Variants in ZCWPW2 observed in about 807,000 individuals in gnomAD.
ZCWPW2 encodes the protein zinc finger CW-type PWWP domain protein 2.
ZCWPW2 carries 45 observed loss-of-function variants against 46.6 expected under a neutral mutation model. The observed-to-expected ratio is 0.96, with a 90% CI of 0.76 to 1.24. The LOEUF is 1.24. ZCWPW2 is among the 50% of genes most tolerant of loss of function. The probability of loss-of-function intolerance (pLI) is 0.00; values close to 1 mark genes in which losing one functional copy is unlikely to be tolerated. For missense variants in ZCWPW2, 429 were observed against 403.9 expected (o/e 1.06, Z -0.53); for synonymous variants, 152 against 137.1 (o/e 1.11, Z -0.76).
chr3:28,426,483 T>G (rs1697017829), intron 3 of ZCWPW2, among the ~76,000 whole-genome samples: 1 of 152,182 alleles, frequency 6.6e-6, no homozygotes, highest in Admixed American at 6.6e-5. Flanking sequence ...TCCAGTTTGG[T>G]AATAAAATAT....
chr3:28,414,205 T>C (rs1271845935), intron 3 of ZCWPW2, among the ~76,000 whole-genome samples: 1 of 151,894 alleles, frequency 6.6e-6, no homozygotes, highest in Non-Finnish European at 1.5e-5. Context: ...TTTCAATTTT[T>C]ATAAATTTAA....
chr3:28,423,860 C>G (rs191615710), intron 3 of ZCWPW2, among the ~76,000 whole-genome samples: 1 of 152,162 alleles, frequency 6.6e-6, no homozygotes, highest in Admixed American at 6.5e-5. Flanking sequence ...CCTCCTTCCT[C>G]TCAAATAGAT....
chr3:28,452,906 A>G (rs190382118), intron 4 of ZCWPW2, among the ~76,000 whole-genome samples: 1 of 152,304 alleles, frequency 6.6e-6, no homozygotes, highest in Admixed American at 6.5e-5. Context: ...AATGGTCTTT[A>G]TCAACAAACA....
At chr3:28,405,652 T>A (rs1451621929) in intron 2 of ZCWPW2, among the ~76,000 whole-genome samples, 1 of 151,930 alleles carries the variant, frequency 6.6e-6, no homozygotes, top group African/African-American at 2.4e-5. Flanking sequence ...ATTTTTGTAT[T>A]TTTAGTAGAG....
At chr3:28,368,589 A>T (rs1265015499) in intron 1 of ZCWPW2, among the ~76,000 whole-genome samples, 3 of 152,018 alleles carry the variant, frequency 2.0e-5, no homozygotes, top group Non-Finnish European at 2.9e-5. Context: ...GCTGCCCTTA[A>T]CATTTTTTCC....
intron 4 of ZCWPW2, among the ~76,000 whole-genome samples, chr3:28,444,358 C>T (rs919910994): frequency 6.6e-6 from 1 of 152,056 alleles, no homozygotes; most frequent in South Asian, 2.1e-4. Flanking sequence ...CATTATTTTC[C>T]CTGGCAGCTG....
In ZCWPW2 at chr3:28,392,237, A is replaced by T. The variant is rs1695520102; in HGVS notation, c.-14+1620A>T. On this transcript the variant is annotated intron_variant, in intron 2 of 9. Coordinates refer to ENST00000383768, the MANE Select transcript of ZCWPW2 (RefSeq NM_001040432.4). ...GATGAAACAAGGTCATTATATAATG[A>T]TAAAAGAGTCAGTTCATCAAGAAGA... 3.3e-5 allele frequency among the ~76,000 whole-genome samples: 5 copies of T among 152,236 alleles called. No homozygotes were observed. In the South Asian group the frequency reaches 6.2e-4, roughly 19 times the overall value.
chr3:28,376,095 A>C (rs1437969523), intron 1 of ZCWPW2, among the ~76,000 whole-genome samples: 1 of 152,076 alleles, frequency 6.6e-6, no homozygotes, highest in Admixed American at 6.6e-5. Context: ...TCAGTGCTAC[A>C]GCAAACATAG....
intron 2 of ZCWPW2, among the ~76,000 whole-genome samples, chr3:28,391,365 A>T (rs1695481653): frequency 1.1e-5 from 1 of 93,198 alleles, no homozygotes; most frequent in South Asian, 2.8e-4. Context: ...ACACACACAC[A>T]CACACACACA....
intron 8 of ZCWPW2, among the ~76,000 whole-genome samples, chr3:28,517,039 C>T (rs1700591734): frequency 6.6e-6 from 1 of 152,104 alleles, no homozygotes; most frequent in Non-Finnish European, 1.5e-5. Flanking sequence ...TCTTTTTTTA[C>T]ATCCAGAATG....
intron 2 of ZCWPW2, among the ~76,000 whole-genome samples, chr3:28,408,214 T>C (rs1395172971): frequency 6.6e-6 from 1 of 152,198 alleles, no homozygotes; most frequent in Non-Finnish European, 1.5e-5. Context: ...TTGAAAACCT[T>C]ATCTACCATT....
intron 4 of ZCWPW2, among the ~76,000 whole-genome samples, chr3:28,436,668 G>A (rs1003648015): frequency 2.6e-5 from 4 of 152,158 alleles, no homozygotes; most frequent in South Asian, 2.1e-4. Flanking sequence ...GCAGGTAAGA[G>A]GGAAGGCTGT....
intron 1 of ZCWPW2, among the ~76,000 whole-genome samples, chr3:28,386,415 C>G (rs1695275225): frequency 6.6e-6 from 1 of 152,100 alleles, no homozygotes; most frequent in African/African-American, 2.4e-5. Flanking sequence ...TTTAAGTTAT[C>G]CAGTCTGTGA....
chr3:28,429,529 G>A (rs912452683), intron 3 of ZCWPW2, among the ~76,000 whole-genome samples: 5 of 152,162 alleles, frequency 3.3e-5, no homozygotes, highest in Non-Finnish European at 7.4e-5. Context: ...TGATAGAAAA[G>A]AAAAACCCAT....
chr3:28,480,457 A>G (rs1448802474), intron 5 of ZCWPW2, among the ~76,000 whole-genome samples: 1 of 151,860 alleles, frequency 6.6e-6, no homozygotes, highest in Non-Finnish European at 1.5e-5. Context: ...GATGGTGGAT[A>G]TTAGACCTTT....
intron 6 of ZCWPW2, among the ~76,000 whole-genome samples, chr3:28,512,713 A>G (rs1015347324): frequency 6.6e-6 from 1 of 151,878 alleles, no homozygotes; most frequent in Admixed American, 6.6e-5. Context: ...AGTGTATCTA[A>G]TCAGCTCTTT....
intron 5 of ZCWPW2, among the ~76,000 whole-genome samples, chr3:28,483,553 G>T (rs898223511): frequency 6.6e-6 from 1 of 152,042 alleles, no homozygotes; most frequent in East Asian, 1.9e-4. Flanking sequence ...GGATTATATT[G>T]AATTTATATA....
At chr3:28,379,256 C>G (rs1181084363) in intron 1 of ZCWPW2, among the ~76,000 whole-genome samples, 1 of 151,974 alleles carries the variant, frequency 6.6e-6, no homozygotes, top group Non-Finnish European at 1.5e-5. Context: ...ATGGAGATAT[C>G]CTTGTAAAGC....
intron 4 of ZCWPW2, among the ~76,000 whole-genome samples, chr3:28,462,601 T>C (rs1698680689): frequency 6.6e-6 from 1 of 152,194 alleles, no homozygotes; most frequent in African/African-American, 2.4e-5. Context: ...TGAGGTAATA[T>C]GACATTGCTT....
Sources: gnomAD v4.1 joint callset for allele counts (sites outside exome capture counted in the v4.1 genomes callset) on GRCh38, gnomAD v4.1.1 for gene constraint, MANE v1.5 for transcripts, NCBI Gene and HGNC (gene_info 2026-07-23, HGNC 2026-07-21) for gene names.